The following GNA14 variants were observed in gnomAD, a reference collection of about 807,000 sequenced individuals.
GNA14 encodes the protein guanine nucleotide-binding protein subunit alpha-14.
In GNA14, 50 loss-of-function variants were observed where a neutral mutation model predicts 42.0. The ratio of observed to expected loss-of-function variants is 1.19; its 90% CI spans 0.95 to 1.51. The LOEUF is 1.51. Ranked by LOEUF, GNA14 falls within the 40% of genes most tolerant of loss-of-function variation. The pLI is 0.00. For synonymous variants in GNA14, 173 were observed against 163.1 expected, an observed-to-expected ratio of 1.06 and a Z score of -0.46; for missense variants, 473 against 446.2, an observed-to-expected ratio of 1.06 and a Z score of -0.54.
At chr9:77,478,754 T>G (rs1001268557) in intron 2 of GNA14, among the ~76,000 whole-genome samples, 54 of 152,338 alleles carry the variant, frequency 3.5e-4, no homozygotes, top group Admixed American at 3.9e-4. Flanking sequence ...ATTGTGGTTT[T>G]GATTTGCATT....
At chr9:77,588,054 G>A (rs1274150549) in intron 1 of GNA14, among the ~76,000 whole-genome samples, 1 of 152,088 alleles carries the variant, frequency 6.6e-6, no homozygotes, top group Non-Finnish European at 1.5e-5. Context: ...TCATCACATC[G>A]TCTTCTCTGA....
chr9:77,506,134 T>C (rs1423906118), intron 2 of GNA14, among the ~76,000 whole-genome samples: 1 of 151,370 alleles, frequency 6.6e-6, no homozygotes, highest in Non-Finnish European at 1.5e-5. Flanking sequence ...CAAATAAAAT[T>C]AGCCAGGCAT....
chr9:77,639,957 C>T (rs1296243552), intron 1 of GNA14, among the ~76,000 whole-genome samples: 1 of 152,210 alleles, frequency 6.6e-6, no homozygotes, highest in Non-Finnish European at 1.5e-5. Context: ...ATATTTTCTT[C>T]CTCTAACAGT....
chr9:77,520,269 A>G (rs749622745), intron 2 of GNA14, among the ~76,000 whole-genome samples: 8 of 152,154 alleles, frequency 5.3e-5, no homozygotes, highest in Non-Finnish European at 1.0e-4. Context: ...CAAAAGGGGA[A>G]TTTATCTCTT....
chr9:77,474,222 A>G (rs540107814), intron 2 of GNA14, among the ~76,000 whole-genome samples: 1 of 152,370 alleles, frequency 6.6e-6, no homozygotes, highest in East Asian at 1.9e-4. Context: ...AAAAGACAAC[A>G]CATAGAATGG....
At chr9:77,488,295 G>A (rs1055736492) in intron 2 of GNA14, among the ~76,000 whole-genome samples, 1 of 152,156 alleles carries the variant, frequency 6.6e-6, no homozygotes, top group Admixed American at 6.5e-5. Context: ...GCCTGACTCA[G>A]GGTTTCTACA....
intron 2 of GNA14, among the ~76,000 whole-genome samples, chr9:77,491,676 C>G (rs939046398): frequency 2.6e-5 from 4 of 152,158 alleles, no homozygotes; most frequent in Non-Finnish European, 5.9e-5. Flanking sequence ...AAACATTAAT[C>G]AATCTAAAGG....
At chr9:77,548,385 C>T (rs1409422745) in intron 1 of GNA14, among the ~76,000 whole-genome samples, 1 of 152,178 alleles carries the variant, frequency 6.6e-6, no homozygotes, top group Non-Finnish European at 1.5e-5. Context: ...GACTTGATTA[C>T]ATCTACAGAG....
At chr9:77,587,566 T>C (rs896527618) in intron 1 of GNA14, among the ~76,000 whole-genome samples, 5 of 152,212 alleles carry the variant, frequency 3.3e-5, no homozygotes, top group African/African-American at 1.2e-4. Flanking sequence ...TCACATAAGA[T>C]TGGATTTCTA....
intron 1 of GNA14, among the ~76,000 whole-genome samples, chr9:77,577,172 A>C (rs757512512): frequency 3.3e-5 from 5 of 152,216 alleles, no homozygotes; most frequent in Admixed American, 6.5e-5. Context: ...AAAGTCTCTC[A>C]TCCCAAATTA....
rs11307052 is a variant in GNA14 at position 77,511,054 on chromosome 9, C to CA, written c.309+18014dup. On this transcript the variant is annotated intron_variant, in intron 2 of 6. Transcript: ENST00000341700. ...TAGGGCACCATGCATTTTCCCATTC[C>CA]AAAAAAAAAAAAAAGTTTTTATTTT... Among the ~76,000 whole-genome samples the CA allele has an allele frequency of 7.9e-3, 1,094 of 137,790 alleles. 29 individuals are homozygous for CA. The East Asian group carries it at 0.082, about 10-fold the overall frequency. The allele number at this position is 137,790 out of a possible 152,430, so 90.4% of individuals were successfully genotyped here.
At chr9:77,614,239 A>G (rs1823775360) in intron 1 of GNA14, among the ~76,000 whole-genome samples, 2 of 152,252 alleles carry the variant, frequency 1.3e-5, no homozygotes, top group Middle Eastern at 3.4e-3. Flanking sequence ...GACAAAGAGG[A>G]CTGAGAATAG....
intron 2 of GNA14, among the ~76,000 whole-genome samples, chr9:77,442,958 T>C (rs1316725954): frequency 6.6e-6 from 1 of 152,200 alleles, no homozygotes; most frequent in East Asian, 1.9e-4. Flanking sequence ...TAGCTAGAGC[T>C]AGAAGAGAGG....
chr9:77,564,435 T>C (rs966092442), intron 1 of GNA14, among the ~76,000 whole-genome samples: 1 of 152,174 alleles, frequency 6.6e-6, no homozygotes, highest in African/African-American at 2.4e-5. Context: ...GAACCATTGA[T>C]ACCCAGAGAC....
chr9:77,475,172 T>A (rs1295935588), intron 2 of GNA14, among the ~76,000 whole-genome samples: 1 of 151,990 alleles, frequency 6.6e-6, no homozygotes, highest in Non-Finnish European at 1.5e-5. Context: ...GAAATTCACA[T>A]AATAATGGAA....
rs111701182 is a variant in GNA14, at chr9:77,608,732, G to GTTTTTTTTT, written c.124+38929_124+38937dup. On this transcript the variant is annotated intron_variant, in intron 1 of 6. Coordinates refer to ENST00000341700, the MANE Select transcript of GNA14 (RefSeq NM_004297.4). The stretch of plus-strand genomic sequence containing the variant: ...GACAATGTACGAAGCCCAATATCCT[G>GTTTTTTTTT]TTTTTTTTTTTTTTTGCTTTTTAAT... 3.5e-4 allele frequency among the ~76,000 whole-genome samples: 43 copies of GTTTTTTTTT among 121,146 alleles called. 1 individual carries two copies. Among genetic ancestry groups the GTTTTTTTTT allele is most frequent in the African/African-American group, 1.2e-3 (41 of 33,850 alleles). 79.5% of individuals were successfully genotyped at this position (121,146 alleles called of 152,430 possible). A position where few individuals can be genotyped will look rare whatever the true frequency, so the allele number is the denominator to read the frequency against.
chr9:77,571,701 G>C (rs564248121), intron 1 of GNA14, among the ~76,000 whole-genome samples: 42 of 150,772 alleles, frequency 2.8e-4, no homozygotes, highest in Admixed American at 8.0e-4. Flanking sequence ...TCGAGAGGCT[G>C]AGGCAGGAGA....
intron 2 of GNA14, among the ~76,000 whole-genome samples, chr9:77,437,995 T>C (rs1835666510): frequency 6.6e-6 from 1 of 152,138 alleles, no homozygotes; most frequent in South Asian, 2.1e-4. Flanking sequence ...CCTAGTGAGA[T>C]ATCAAAGAGG....
chr9:77,585,304 T>C (rs1823286225), intron 1 of GNA14, among the ~76,000 whole-genome samples: 1 of 152,198 alleles, frequency 6.6e-6, no homozygotes, highest in African/African-American at 2.4e-5. Flanking sequence ...TTTGAGAAAC[T>C]ACAGACACAG....
Sources: gnomAD v4.1 joint callset for allele counts (sites outside exome capture counted in the v4.1 genomes callset) on GRCh38, gnomAD v4.1.1 for gene constraint, MANE v1.5 for transcripts, NCBI Gene and HGNC (gene_info 2026-07-23, HGNC 2026-07-21) for gene names.